FER: variants seen among roughly 807,000 people sequenced by gnomAD.
The protein encoded by FER is FER tyrosine kinase.
A neutral mutation model predicts 111.0 loss-of-function variants in FER; 63 were observed. The ratio of observed to expected loss-of-function variants is 0.57; its 90% confidence interval spans 0.46 to 0.70. The LOEUF (loss-of-function observed/expected upper bound fraction) is 0.70. FER is among the 30% of genes least tolerant of loss of function. The pLI is 0.00. For synonymous variants in FER, 327 were observed against 313.9 expected (o/e 1.04, Z -0.44); for missense variants, 914 against 954.0 (o/e 0.96, Z 0.55).
At chr5:108,825,054 A>C (rs762587008) in intron 3 of FER, among the ~76,000 whole-genome samples, 7 of 152,172 alleles carry the variant, frequency 4.6e-5, no homozygotes, top group Admixed American at 6.5e-5. Context: ...GGGTAATAGA[A>C]TATCACAAGG....
At chr5:108,856,800 T>C (rs1405777193) in intron 5 of FER, among the ~76,000 whole-genome samples, 2 of 152,102 alleles carry the variant, frequency 1.3e-5, no homozygotes, top group Non-Finnish European at 2.9e-5. Context: ...TGTGTTAATA[T>C]TACGTGTAGT....
intron 3 of FER, among the ~76,000 whole-genome samples, chr5:108,826,713 G>A (rs78388342): frequency 0.035 from 5,313 of 152,312 alleles, 166 homozygotes; most frequent in South Asian, 0.11. Context: ...ATTCACTAAT[G>A]AATCAAACAA....
At chr5:108,841,548 G>A (rs1272616447) in intron 5 of FER, among the ~76,000 whole-genome samples, 1 of 152,156 alleles carries the variant, frequency 6.6e-6, no homozygotes, top group South Asian at 2.1e-4. Context: ...GGGAATTCAG[G>A]TACTGTTTGC....
At chr5:108,975,240 C>T (rs112604278) in intron 13 of FER, among the ~76,000 whole-genome samples, 5 of 151,726 alleles carry the variant, frequency 3.3e-5, no homozygotes, top group Non-Finnish European at 5.9e-5. Context: ...CATCACACAC[C>T]GGGGTCTGTC....
chr5:108,759,769 C>G (rs867353526), intron 1 of FER, among the ~76,000 whole-genome samples: 1 of 152,180 alleles, frequency 6.6e-6, no homozygotes, highest in Non-Finnish European at 1.5e-5. Context: ...TTAATCCATT[C>G]ATGAGGACTC....
At chr5:108,834,261 A>G (rs995464742) in intron 4 of FER, among the ~76,000 whole-genome samples, 1 of 152,172 alleles carries the variant, frequency 6.6e-6, no homozygotes, top group East Asian at 1.9e-4. Context: ...TTCTGGCTGC[A>G]TATTTTGGGC....
intron 1 of FER, among the ~76,000 whole-genome samples, chr5:108,758,849 A>G (rs1280505266): frequency 6.6e-6 from 1 of 152,210 alleles, no homozygotes; most frequent in African/African-American, 2.4e-5. Context: ...CTGGGTGAGC[A>G]AAACGCATTT....
chr5:108,885,982 G>C (rs1581051505), intron 9 of FER, among the ~76,000 whole-genome samples: 1 of 151,896 alleles, frequency 6.6e-6, no homozygotes, highest in African/African-American at 2.4e-5. Context: ...GTTTGTGGAT[G>C]AATCTCTTCA....
chr5:108,798,915 G>A (rs1358118638), intron 3 of FER, among the ~76,000 whole-genome samples: 3 of 152,090 alleles, frequency 2.0e-5, no homozygotes, highest in African/African-American at 7.2e-5. Context: ...GACTTAATGG[G>A]TCAGGTTTGA....
chr5:109,068,056 C>T (rs1775324728), intron 16 of FER, among the ~76,000 whole-genome samples: 1 of 152,026 alleles, frequency 6.6e-6, no homozygotes, highest in African/African-American at 2.4e-5. Flanking sequence ...TATAATTTCC[C>T]CTCAGACCAA....
chr5:109,163,158 T>C (rs1012881143), intron 17 of FER, among the ~76,000 whole-genome samples: 8 of 152,192 alleles, frequency 5.3e-5, no homozygotes, highest in African/African-American at 1.9e-4. Context: ...GTATGTTTTG[T>C]TCTAGCTTTC....
intron 13 of FER, among the ~76,000 whole-genome samples, chr5:109,001,268 C>G (rs903863892): frequency 1.3e-5 from 2 of 152,200 alleles, no homozygotes; most frequent in Non-Finnish European, 2.9e-5. Flanking sequence ...AGCAGCACAT[C>G]AAAAAGCTTA....
intron 10 of FER, among the ~76,000 whole-genome samples, chr5:108,902,089 G>C (rs779675161): frequency 1.3e-5 from 2 of 152,078 alleles, no homozygotes; most frequent in Non-Finnish European, 2.9e-5. Flanking sequence ...GATAACATTG[G>C]AAAGATTAGT....
intron 17 of FER, among the ~76,000 whole-genome samples, chr5:109,135,197 G>A (rs79922332): frequency 0.034 from 5,224 of 152,232 alleles, 145 homozygotes; most frequent in South Asian, 0.084. Context: ...TGATAATAAT[G>A]GTAGGTAACA....
rs191165957 is a variant in FER, at chr5:109,127,653, C to A, written c.2048+27134C>A. 7.6e-3 allele frequency among the ~76,000 whole-genome samples: 1,161 copies of A among 152,204 alleles called. 10 individuals are homozygous for A. The highest frequency in any genetic ancestry group is 0.027 in the African/African-American group (1,127 of 41,530). ...ATCTCCTGAGCTCATGATCCACCGG[C>A]CATGGCCTCCCAAAGTGCTGGGATT... On this transcript the variant is annotated intron_variant, in intron 17 of 19. Transcript: ENST00000281092.
At position 109,143,202 on chromosome 5, in the gene FER, C is replaced by T. The variant is rs563234360; in HGVS notation, c.2049-37545C>T. ...GCATTTGCAGCAATCTTGGGAGCAT[C>T]AGGAAGAGTTATATCAGGAAACAAG... On this transcript the variant is annotated intron_variant, in intron 17 of 19. Transcript: ENST00000281092. Among the ~76,000 whole-genome samples, 12 of 152,172 alleles carry T rather than the reference C, an allele frequency of 7.9e-5. No homozygotes were observed. In the South Asian group the frequency reaches 2.3e-3, roughly 29 times the overall value.
intron 1 of FER, among the ~76,000 whole-genome samples, chr5:108,761,570 T>G (rs1318830515): frequency 6.6e-6 from 1 of 152,186 alleles, no homozygotes. Context: ...ATGAAAAAGT[T>G]TGAAATATTG....
At chr5:108,887,633 G>A (rs939259761) in intron 9 of FER, among the ~76,000 whole-genome samples, 12 of 151,532 alleles carry the variant, frequency 7.9e-5, no homozygotes, top group Admixed American at 2.6e-4. Context: ...AATGTACTTC[G>A]TGCATTTAGT....
intron 13 of FER, among the ~76,000 whole-genome samples, chr5:109,034,209 T>C (rs1770043217): frequency 1.3e-5 from 2 of 152,174 alleles, no homozygotes; most frequent in African/African-American, 2.4e-5. Context: ...TTTTTTTCTG[T>C]CTATAACTTA....
Sources: allele counts gnomAD v4.1 joint callset (sites outside exome capture counted in the v4.1 genomes callset), GRCh38; gene constraint gnomAD v4.1.1; transcripts MANE v1.5; gene names NCBI Gene and HGNC (gene_info 2026-07-23, HGNC 2026-07-21).